Variants in GATAD2A observed in about 807,000 individuals in gnomAD.
GATAD2A encodes the protein GATA zinc finger domain containing 2A.
In GATAD2A, 12 loss-of-function variants were observed where a neutral mutation model predicts 68.5. That is an observed-to-expected ratio of 0.18 (90% confidence interval 0.11 to 0.28). The LOEUF is 0.28. Among genes scored for constraint, GATAD2A ranks in the 10% least tolerant of loss-of-function variants. GATAD2A has a pLI of 1.00. For missense variants in GATAD2A, 755 were observed against 868.5 expected, an observed-to-expected ratio of 0.87 and a Z score of 1.64; for synonymous variants, 410 against 375.3, an observed-to-expected ratio of 1.09 and a Z score of -1.07.
At position 19,475,010 on chromosome 19, in the gene GATAD2A, G is replaced by A. The variant is rs557370142; in HGVS notation, c.269+9396G>A. ...CCTTGTGCTAGTCAGTCACATAGCG[G>A]ATGCTCGGACAGTTGCTGGTGCCAC... On this transcript the variant is annotated intron_variant, in intron 2 of 11. Coordinates refer to ENST00000683918, the MANE Select transcript of GATAD2A (RefSeq NM_001384528.1). 5.9e-5 allele frequency among the ~76,000 whole-genome samples: 9 copies of A among 152,370 alleles called. No individual in the cohort carries two copies. In the South Asian group the frequency reaches 1.5e-3, roughly 25 times the overall value.
At chr19:19,422,424 T>G (rs1242953476) in intron 1 of GATAD2A, among the ~76,000 whole-genome samples, 1 of 152,176 alleles carries the variant, frequency 6.6e-6, no homozygotes, top group Non-Finnish European at 1.5e-5. Flanking sequence ...GAACTCCTCC[T>G]AGCTGGCAGA....
rs191882327 is a variant in GATAD2A, at chr19:19,506,493, G to A, written c.*1019G>A. On this transcript the variant is annotated 3_prime_UTR_variant, in exon 12 of 12. Transcript: ENST00000683918. ...GGTGAGCGTGCACAGGTGTGTGCAG[G>A]TCAGGAGGTGCCGTCCAGGTGTGCG... 40 of 203,552 alleles carry A rather than the reference G, an allele frequency of 2.0e-4. No individual in the cohort carries two copies. Among genetic ancestry groups the A allele is most frequent in the Admixed American group, 3.0e-4 (5 of 16,648 alleles). The allele number at this position is 203,552 out of a possible 1,614,324, so 12.6% of individuals were successfully genotyped here.
chr19:19,414,790 C>G (rs1490770001), intron 1 of GATAD2A, among the ~76,000 whole-genome samples: 1 of 150,230 alleles, frequency 6.7e-6, no homozygotes, highest in Non-Finnish European at 1.5e-5. Flanking sequence ...CCACCTTGGC[C>G]TCCCAAAGTG....
intron 8 of GATAD2A, among the ~76,000 whole-genome samples, chr19:19,498,947 GA>G (rs2060331892): frequency 6.6e-6 from 1 of 152,240 alleles, no homozygotes; most frequent in Non-Finnish European, 1.5e-5. Context: ...GGTCCAGGGG[GA>G]CGGGCAGTAG....
chr19:19,507,628 G>A lies in GATAD2A; in HGVS notation c.*2154G>A, dbSNP rs2060921607. On this transcript the variant is annotated 3_prime_UTR_variant, in exon 12 of 12. Coordinates refer to ENST00000683918, the MANE Select transcript of GATAD2A (RefSeq NM_001384528.1). ...CCAGCCTGGCCTGGCTGTTCCTCCA[G>A]GGCTGATGGCTGTCAACCCATCCTT... is the stretch of plus-strand genomic sequence containing the variant. The A allele has an allele frequency of 6.6e-6, 1 of 152,398 alleles. No individual in the cohort carries two copies. 9.4% of individuals were successfully genotyped at this position (152,398 alleles called of 1,614,324 possible).
chr19:19,452,770 A>G (rs2056522698), intron 1 of GATAD2A, among the ~76,000 whole-genome samples: 1 of 152,058 alleles, frequency 6.6e-6, no homozygotes, highest in Non-Finnish European at 1.5e-5. Flanking sequence ...ACCTTGATTC[A>G]TTCTGTGGGA....
At chr19:19,442,759 A>T (rs1600138186) in intron 1 of GATAD2A, among the ~76,000 whole-genome samples, 2 of 136,210 alleles carry the variant, frequency 1.5e-5, no homozygotes, top group South Asian at 4.8e-4. Flanking sequence ...ATGTAGCAGG[A>T]CCCCCCAAGC....
At chr19:19,418,891 T>G (rs2147227019) in intron 1 of GATAD2A, among the ~76,000 whole-genome samples, 1 of 152,068 alleles carries the variant, frequency 6.6e-6, no homozygotes, top group East Asian at 1.9e-4. Flanking sequence ...AAAAATGACT[T>G]GGTATCTGAC....
intron 1 of GATAD2A, among the ~76,000 whole-genome samples, chr19:19,443,215 T>G (rs919884783): frequency 2.0e-5 from 3 of 152,140 alleles, no homozygotes; most frequent in Non-Finnish European, 4.4e-5. Context: ...GACTGTAAGG[T>G]CCAGACAGTG....
chr19:19,393,275 C>T (rs1009650571), intron 1 of GATAD2A, among the ~76,000 whole-genome samples: 3 of 151,970 alleles, frequency 2.0e-5, no homozygotes, highest in Admixed American at 2.0e-4. Context: ...CCACTGCACT[C>T]CAGCCTGAGT....
At chr19:19,443,250 A>T (rs546537627) in intron 1 of GATAD2A, among the ~76,000 whole-genome samples, 1 of 152,310 alleles carries the variant, frequency 6.6e-6, no homozygotes, top group South Asian at 2.1e-4. Flanking sequence ...CTAGCCCCCA[A>T]GGAGAGTGTC....
chr19:19,411,102 G>A (rs1247856171), intron 1 of GATAD2A, among the ~76,000 whole-genome samples: 1 of 152,194 alleles, frequency 6.6e-6, no homozygotes, highest in African/African-American at 2.4e-5. Context: ...ACACTGGGGC[G>A]CATGCCTCAG....
intron 11 of GATAD2A, among the ~76,000 whole-genome samples, chr19:19,502,801 G>T (rs2060625129): frequency 6.6e-6 from 1 of 152,236 alleles, no homozygotes; most frequent in Admixed American, 6.5e-5. Context: ...CTCAGAGGGT[G>T]CCCCCACAGC....
chr19:19,454,078 A>G lies in GATAD2A; in HGVS notation c.-6-11262A>G, dbSNP rs568001087. On this transcript the variant is annotated intron_variant, in intron 1 of 11. Transcript: ENST00000683918. ...AATGGCACAATCTTGGCTCACCGCA[A>G]CCTCTACTTCCTGGGTTCAAGCAGT... 6.8e-5 allele frequency among the ~76,000 whole-genome samples: 10 copies of G among 146,700 alleles called. No individual in the cohort carries two copies. The East Asian group carries it at 1.2e-3, about 18-fold the overall frequency.
intron 2 of GATAD2A, among the ~76,000 whole-genome samples, chr19:19,469,998 T>G (rs2058161963): frequency 6.6e-6 from 1 of 151,600 alleles, no homozygotes; most frequent in Non-Finnish European, 1.5e-5. Context: ...TGTTTATAAG[T>G]GACGCCCCTT....
intron 1 of GATAD2A, among the ~76,000 whole-genome samples, chr19:19,393,186 C>G (rs555295550): frequency 2.6e-5 from 4 of 152,164 alleles, no homozygotes; most frequent in Non-Finnish European, 5.9e-5. Context: ...GCCTGTAATC[C>G]CAGCTACTCG....
upstream of GATAD2A, among the ~76,000 whole-genome samples, chr19:19,404,281 A>C (rs953849189): frequency 1.6e-4 from 25 of 151,746 alleles, no homozygotes; most frequent in African/African-American, 5.6e-4. Context: ...TTAGAAAAAC[A>C]ATTTTGTAAA....
At chr19:19,435,181 T>C (rs2916076) in intron 1 of GATAD2A, 213,483 of 525,698 alleles carry the variant, frequency 0.41, 46,299 homozygotes, top group African/African-American at 0.63. Flanking sequence ...TGTGTGAGCA[T>C]AGTACCTGGA....
In GATAD2A at chr19:19,507,763, T is replaced by C. The variant is rs185194735; in HGVS notation, c.*2289T>C. On this transcript the variant is annotated 3_prime_UTR_variant, in exon 12 of 12. Coordinates refer to ENST00000683918, the MANE Select transcript of GATAD2A (RefSeq NM_001384528.1). ...ATACTGTGATGTAAACTTTTTTTTT[T>C]TCCCCCCAGGGGGCAAAAGTGTGAG... is the stretch of plus-strand genomic sequence containing the variant. 24 of 144,578 alleles carry C rather than the reference T, an allele frequency of 1.7e-4. No individual in the cohort carries two copies. Among genetic ancestry groups the C allele is most frequent in the African/African-American group, 6.3e-4 (24 of 37,882 alleles). 9.0% of individuals were successfully genotyped at this position (144,578 alleles called of 1,614,324 possible).
Sources: gnomAD v4.1 joint callset for allele counts (sites outside exome capture counted in the v4.1 genomes callset) on GRCh38, gnomAD v4.1.1 for gene constraint, MANE v1.5 for transcripts, NCBI Gene and HGNC (gene_info 2026-07-23, HGNC 2026-07-21) for gene names.